PLIN5: variants seen among roughly 807,000 people sequenced by gnomAD.
PLIN5 encodes the protein perilipin 5.
In PLIN5, 34 loss-of-function variants were observed where a neutral mutation model predicts 32.8. The ratio of observed to expected loss-of-function variants is 1.04; its 90% CI spans 0.79 to 1.38. The LOEUF is 1.38. Ranked by LOEUF, PLIN5 falls within the 40% of genes most tolerant of loss-of-function variation. PLIN5 has a pLI of 0.00. For missense variants in PLIN5, 712 were observed against 660.5 expected (o/e 1.08, Z -0.85); for synonymous variants, 309 against 292.9 (o/e 1.05, Z -0.56).
Position 4,525,595 on chromosome 19 carries a change from C to T in PLIN5, c.720+38G>A, listed in dbSNP as rs1162357296. On this transcript the variant is annotated intron_variant, in intron 6 of 7. Coordinates refer to ENST00000381848, the MANE Select transcript of PLIN5 (RefSeq NM_001013706.3). This position sits in a 1 kb window ranked among gnomAD's most constrained non-coding sequence, Gnocchi z 5.6. ...CTGGTGCTCAATCCATACTGATTGG[C>T]CTGCATCCCGGAGCAGGGGCGGGCA... The T allele has an allele frequency of 3.1e-6, 5 of 1,605,572 alleles. No homozygotes were observed. The highest frequency in any genetic ancestry group is 1.3e-5 in the African/African-American group (1 of 74,854).
intron 1 of PLIN5, among the ~76,000 whole-genome samples, chr19:4,534,701 C>G (rs1976926238): frequency 6.6e-6 from 1 of 152,176 alleles, no homozygotes; most frequent in Non-Finnish European, 1.5e-5. Flanking sequence ...GCACCTTCAC[C>G]TCTCTGGGCT....
intron 2 of PLIN5, chr19:4,532,866 G>A (rs1260570348): frequency 6.6e-6 from 1 of 152,108 alleles, no homozygotes; most frequent in Non-Finnish European, 1.5e-5. Flanking sequence ...ATTGGGTCTT[G>A]CTGTGTTGCC....
chr19:4,527,480 A>G (rs924625846), intron 5 of PLIN5, among the ~76,000 whole-genome samples: 1 of 136,700 alleles, frequency 7.3e-6, no homozygotes, highest in Admixed American at 8.4e-5. Context: ...CGGAGGCTGC[A>G]GTGAGCCAAG....
Position 4,525,626 on chromosome 19 carries a change from C to A in PLIN5, c.720+7G>T. ...TCCCGGAGCAGGGGCGGGCAGCGGG[C>A]TCTCACCAGCTCCAGCGTCTCCTGC... On this transcript the variant is annotated splice_region_variant and intron_variant, in intron 6 of 7. Coordinates refer to ENST00000381848, the MANE Select transcript of PLIN5 (RefSeq NM_001013706.3). The surrounding 1 kb of genome is among the most constrained non-coding windows in gnomAD (Gnocchi z 5.6). The A allele has an allele frequency of 6.2e-7, 1 of 1,612,240 alleles. No individual in the cohort carries two copies. The highest frequency in any genetic ancestry group is 8.5e-7 in the Non-Finnish European group (1 of 1,179,956).
In PLIN5 at chr19:4,534,052, T is replaced by C. The variant is rs1343489123; in HGVS notation, c.23A>G (p.Gln8Arg). 3.1e-6 allele frequency: 5 copies of C among 1,613,346 alleles called. No homozygotes were observed. Among genetic ancestry groups the C allele is most frequent in the Middle Eastern group, 1.7e-4 (1 of 6,038 alleles). ...CTCCCACACACTGGATCTGGGGATCTGAGCCGCCTCTTCTTCAGACATCGT... is the reference window on the plus strand; with the variant it reads ...CTCCCACACACTGGATCTGGGGATCCGAGCCGCCTCTTCTTCAGACATCGT... MSEEEAA[Q>R]IPRSSVWEQD... is the part of the protein sequence containing the mutation. Residue 8 changes from glutamine (Q) to arginine (R), a missense_variant, in exon 2 of 8, where the codon CAG (glutamine) becomes CGG (arginine). Coordinates refer to ENST00000381848, the MANE Select transcript of PLIN5 (RefSeq NM_001013706.3).
chr19:4,523,458 G>A lies in PLIN5; in HGVS notation c.*70C>T. Reference sequence around the variant, plus strand: ...AGGCCAAGGCCTCGAGCTTACGTGTGGCCACCAGGGGGCAGCAGGGATCGG... The same window carrying A: ...AGGCCAAGGCCTCGAGCTTACGTGTAGCCACCAGGGGGCAGCAGGGATCGG... On this transcript the variant is annotated 3_prime_UTR_variant, in exon 8 of 8. Coordinates refer to ENST00000381848, the MANE Select transcript of PLIN5 (RefSeq NM_001013706.3). The surrounding 1 kb of genome is among the most constrained non-coding windows in gnomAD (Gnocchi z 5.0). 4 of 1,473,722 alleles carry A rather than the reference G, an allele frequency of 2.7e-6. No individual in the cohort carries two copies. In the South Asian group the frequency reaches 4.2e-5, roughly 15 times the overall value. The allele number at this position is 1,473,722 out of a possible 1,614,324, so 91.3% of individuals were successfully genotyped here.
In PLIN5 at chr19:4,529,785, G is replaced by A. The variant is rs201340592; in HGVS notation, c.338C>T (p.Thr113Met). The A allele has an allele frequency of 1.0e-4, 167 of 1,606,040 alleles. No homozygotes were observed. Among genetic ancestry groups the A allele is most frequent in the Admixed American group, 1.8e-4 (11 of 59,788 alleles). ...CCCATGTCTAGTCGTCCGGGGTACC[G>A]TCTCCGAAGGTTGCTGGAGAAAGGG... ...KLPFLQQPSE[T>M]VVTSAKDVVA... Residue 113 changes from threonine to methionine, a missense_variant and splice_region_variant, in exon 4 of 8, where the codon ACG becomes ATG. Coordinates refer to ENST00000381848, the MANE Select transcript of PLIN5 (RefSeq NM_001013706.3).
At chr19:4,529,628 C>CACACACACACACACAG in intron 4 of PLIN5, 156 bp downstream of exon 4, 3 of 503,250 alleles carry the variant, frequency 6.0e-6, no homozygotes, top group Middle Eastern at 4.8e-4. Flanking sequence ...CACACACACA[C>CACACACACACACACAG]ACACACACAC....
chr19:4,528,160 C>T (rs1374793430), intron 5 of PLIN5, among the ~76,000 whole-genome samples: 1 of 151,868 alleles, frequency 6.6e-6, no homozygotes, highest in African/African-American at 2.4e-5. Context: ...CGGCCCGCCT[C>T]GGCCCCCCAA....
intron 5 of PLIN5, among the ~76,000 whole-genome samples, chr19:4,528,199 G>A (rs905859399): frequency 2.0e-5 from 3 of 151,142 alleles, no homozygotes; most frequent in Non-Finnish European, 4.4e-5. Flanking sequence ...CTGAGCCACC[G>A]TGCCCGGCCG....
chr19:4,526,596 T>A (rs906656043), intron 5 of PLIN5, among the ~76,000 whole-genome samples: 4 of 152,166 alleles, frequency 2.6e-5, no homozygotes, highest in Non-Finnish European at 5.9e-5. Context: ...ATCCCAGCAC[T>A]TTGGGAGGCC....
chr19:4,529,672 C>T (rs1324345278), intron 4 of PLIN5, 112 bp downstream of exon 4: 1 of 768,976 alleles, frequency 1.3e-6, no homozygotes, highest in South Asian at 1.6e-5. Context: ...TTTAACCTGG[C>T]TGTTTTTTCT....
At position 4,526,410 on chromosome 19, in the gene PLIN5, C is replaced by T. The variant is rs527281256; in HGVS notation, c.521-578G>A. ...TTAAGTTTTGTATTTTTAGTAGAGACGGGGTTTCACCATGTTGGCCAGGCT... is the reference window on the plus strand; with the variant it reads ...TTAAGTTTTGTATTTTTAGTAGAGATGGGGTTTCACCATGTTGGCCAGGCT... On this transcript the variant is annotated intron_variant, in intron 5 of 7. Coordinates refer to ENST00000381848, the MANE Select transcript of PLIN5 (RefSeq NM_001013706.3). 5.3e-5 allele frequency among the ~76,000 whole-genome samples: 8 copies of T among 152,174 alleles called. No homozygotes were observed. The South Asian group carries it at 1.2e-3, about 24-fold the overall frequency.
At chr19:4,529,610 T>TACACACACACAC (rs56850019) in intron 4 of PLIN5, 174 bp downstream of exon 4, 11,203 of 431,456 alleles carry the variant, frequency 0.026, 173 homozygotes, top group Non-Finnish European at 0.035. Context: ...CATATATGTA[T>TACACACACACAC]ACACACACAC....
At chr19:4,527,595 G>A (rs990469543) in intron 5 of PLIN5, among the ~76,000 whole-genome samples, 2 of 137,444 alleles carry the variant, frequency 1.5e-5, no homozygotes, top group African/African-American at 2.7e-5. Context: ...GTGGACTCAC[G>A]CTTGTAATCC....
At chr19:4,524,689 T>C (rs750420319) in intron 7 of PLIN5, among the ~76,000 whole-genome samples, 12 of 150,958 alleles carry the variant, frequency 7.9e-5, no homozygotes, top group Non-Finnish European at 1.8e-4. Context: ...AACACCCCCC[T>C]TTCCCCCCAC....
chr19:4,529,715 C>A, intron 4 of PLIN5, 69 bp downstream of exon 4: 1 of 1,173,352 alleles, frequency 8.5e-7, no homozygotes, highest in Non-Finnish European at 1.3e-6. Context: ...GTCACCATCC[C>A]TCCCTCCCTC....
intron 5 of PLIN5, among the ~76,000 whole-genome samples, chr19:4,526,567 G>A (rs916749137): frequency 6.6e-6 from 1 of 152,288 alleles, no homozygotes; most frequent in South Asian, 2.1e-4. Flanking sequence ...TAGGTTGGGT[G>A]CAGCAGCATG....
chr19:4,530,160 C>T (rs1015576444), intron 3 of PLIN5, among the ~76,000 whole-genome samples: 2 of 152,104 alleles, frequency 1.3e-5, no homozygotes, highest in African/African-American at 2.4e-5. Flanking sequence ...AAGGCCTAGA[C>T]CACAGGGGGA....
Sources: gnomAD v4.1 joint callset for allele counts (sites outside exome capture counted in the v4.1 genomes callset) on GRCh38, gnomAD v4.1.1 for gene constraint, Gnocchi (gnomAD v3.1) non-coding constraint, MANE v1.5 for transcripts, NCBI Gene and HGNC (gene_info 2026-07-23, HGNC 2026-07-21) for gene names.